The following SPATA16 variants were observed in gnomAD, a reference collection of about 807,000 sequenced individuals.
SPATA16 encodes the protein spermatogenesis associated 16, also known as spermatogenesis-associated protein 16.
A neutral mutation model predicts 63.3 loss-of-function variants in SPATA16; 36 were observed. The ratio of observed to expected loss-of-function variants is 0.57; its 90% confidence interval spans 0.44 to 0.75. The LOEUF (loss-of-function observed/expected upper bound fraction) is 0.75, where lower values mean the gene tolerates loss of function less well. SPATA16 is among the 30% of genes least tolerant of loss of function. The probability of loss-of-function intolerance (pLI) is 0.00; values close to 1 mark genes in which losing one functional copy is unlikely to be tolerated. For synonymous variants in SPATA16, 203 were observed against 216.7 expected, an observed-to-expected ratio of 0.94 and a Z score of 0.56; for missense variants, 646 against 679.3, an observed-to-expected ratio of 0.95 and a Z score of 0.54.
intron 6 of SPATA16, among the ~76,000 whole-genome samples, chr3:172,955,309 GA>G (rs1733542678): frequency 6.6e-6 from 1 of 152,074 alleles, no homozygotes; most frequent in Non-Finnish European, 1.5e-5. Context: ...AGTGGAAATG[GA>G]AATAGCTGAA....
At chr3:172,967,997 A>G (rs950296565) in intron 5 of SPATA16, among the ~76,000 whole-genome samples, 6 of 152,210 alleles carry the variant, frequency 3.9e-5, no homozygotes, top group African/African-American at 1.4e-4. Context: ...ACCCTAGTTT[A>G]TGGAAAAACT....
At chr3:173,102,088 C>G (rs1242408369) in intron 2 of SPATA16, among the ~76,000 whole-genome samples, 1 of 152,160 alleles carries the variant, frequency 6.6e-6, no homozygotes, top group African/African-American at 2.4e-5. Context: ...TTCATGATCC[C>G]TTTCCTTAGA....
At chr3:172,968,935 T>G in intron 5 of SPATA16, among the ~76,000 whole-genome samples, 1 of 152,252 alleles carries the variant, frequency 6.6e-6, no homozygotes, top group East Asian at 1.9e-4. Flanking sequence ...ACATTTATCT[T>G]TTTGCAAGAC....
intron 2 of SPATA16, among the ~76,000 whole-genome samples, chr3:173,090,468 C>T (rs1393657961): frequency 2.0e-5 from 3 of 152,166 alleles, no homozygotes; most frequent in Non-Finnish European, 4.4e-5. Context: ...TGGAATGATG[C>T]TAAAGTCTTA....
intron 4 of SPATA16, among the ~76,000 whole-genome samples, chr3:172,996,211 C>G (rs1020574808): frequency 6.6e-6 from 1 of 151,992 alleles, no homozygotes; most frequent in Non-Finnish European, 1.5e-5. Context: ...TCAGTGGGTA[C>G]GTGATGGTGA....
chr3:173,081,787 A>G (rs1249504351), intron 2 of SPATA16, among the ~76,000 whole-genome samples: 1 of 152,232 alleles, frequency 6.6e-6, no homozygotes, highest in Non-Finnish European at 1.5e-5. Context: ...CCCATGTTAA[A>G]TATTTCCATC....
At chr3:172,934,445 G>T (rs919475434) in intron 6 of SPATA16, among the ~76,000 whole-genome samples, 3 of 152,066 alleles carry the variant, frequency 2.0e-5, no homozygotes, top group African/African-American at 7.2e-5. Context: ...ATTTTATAAG[G>T]TCCTGTATAT....
chr3:173,136,030 C>G (rs1311431004), intron 1 of SPATA16, among the ~76,000 whole-genome samples: 1 of 152,246 alleles, frequency 6.6e-6, no homozygotes, highest in East Asian at 1.9e-4. Context: ...CACATGCCCC[C>G]TACTCCCTTA....
chr3:173,049,761 G>A (rs553426977), intron 2 of SPATA16, among the ~76,000 whole-genome samples: 2 of 152,074 alleles, frequency 1.3e-5, no homozygotes, highest in African/African-American at 4.8e-5. Flanking sequence ...GTGGTTTCTG[G>A]GCATCATAGA....
chr3:172,918,044 G>C (rs1406474646), intron 8 of SPATA16, among the ~76,000 whole-genome samples: 1 of 152,152 alleles, frequency 6.6e-6, no homozygotes, highest in Non-Finnish European at 1.5e-5. Flanking sequence ...TCATTTATCT[G>C]AAAATCTATA....
intron 2 of SPATA16, among the ~76,000 whole-genome samples, chr3:173,062,096 C>A (rs1736395854): frequency 7.1e-6 from 1 of 140,254 alleles, no homozygotes; most frequent in Non-Finnish European, 1.5e-5. Flanking sequence ...AGAGGTGTGG[C>A]CACCGTGGGT....
At chr3:172,922,702 C>G (rs767635102) in intron 8 of SPATA16, among the ~76,000 whole-genome samples, 7 of 152,162 alleles carry the variant, frequency 4.6e-5, no homozygotes, top group Admixed American at 1.3e-4. Context: ...AGGTGGATCA[C>G]TTGAGGCCAG....
chr3:173,117,603 C>T lies in SPATA16; in HGVS notation c.129G>A (p.Met43Ile), dbSNP rs142197718. ...TLAHPPNILE[M>I]SQEIKKNCGG... ...CACAGTTTTTCTTAATCTCTTGTGACATTTCCAGGATGTTAGGTGGGTGCG... is the reference window on the plus strand; with the variant it reads ...CACAGTTTTTCTTAATCTCTTGTGATATTTCCAGGATGTTAGGTGGGTGCG... Residue 43 changes from methionine (M) to isoleucine (I), a missense_variant, in exon 2 of 11, where the codon ATG becomes ATA. Physicochemically the swap from Met to Ile is conservative, Grantham distance 10. Coordinates refer to ENST00000351008, the MANE Select transcript of SPATA16 (RefSeq NM_031955.6). 4.6e-5 allele frequency: 75 copies of T among 1,613,600 alleles called. No individual in the cohort carries two copies. The African/African-American group carries it at 9.5e-4, about 20-fold the overall frequency.
At chr3:173,088,074 CTTTCT>C (rs1737122808) in intron 2 of SPATA16, among the ~76,000 whole-genome samples, 5 of 93,382 alleles carry the variant, frequency 5.4e-5, no homozygotes, top group East Asian at 7.2e-4. Flanking sequence ...TTCTTTCTTT[CTTTCT>C]GTCTTTTCTT....
intron 2 of SPATA16, among the ~76,000 whole-genome samples, chr3:173,095,895 C>T (rs865803981): frequency 6.6e-6 from 1 of 152,116 alleles, no homozygotes; most frequent in Non-Finnish European, 1.5e-5. Context: ...TACTTTTCCT[C>T]TAAGCATTTT....
intron 5 of SPATA16, among the ~76,000 whole-genome samples, chr3:172,957,386 G>A (rs1470962937): frequency 6.6e-6 from 1 of 152,080 alleles, no homozygotes; most frequent in Non-Finnish European, 1.5e-5. Flanking sequence ...AGCTGTTTAA[G>A]GTGGCTTTGG....
chr3:173,028,379 T>C (rs976746547), intron 3 of SPATA16, among the ~76,000 whole-genome samples: 1 of 151,826 alleles, frequency 6.6e-6, no homozygotes, highest in Non-Finnish European at 1.5e-5. Context: ...AACTGATTAA[T>C]GCTATGTAAG....
intron 2 of SPATA16, among the ~76,000 whole-genome samples, chr3:173,090,993 G>A (rs1408399099): frequency 6.6e-6 from 1 of 151,946 alleles, no homozygotes; most frequent in Non-Finnish European, 1.5e-5. Flanking sequence ...TTGGTTTCAG[G>A]CCTATTAGGT....
chr3:172,952,517 T>A (rs760985573), intron 6 of SPATA16, among the ~76,000 whole-genome samples: 21 of 152,216 alleles, frequency 1.4e-4, no homozygotes, highest in Non-Finnish European at 2.9e-4. Flanking sequence ...TAGGAGGGCT[T>A]TATGGGCCAG....
Sources: allele counts gnomAD v4.1 joint callset (sites outside exome capture counted in the v4.1 genomes callset), GRCh38; gene constraint gnomAD v4.1.1; transcripts MANE v1.5; gene names NCBI Gene and HGNC (gene_info 2026-07-23, HGNC 2026-07-21).